ABLIM2: variants seen among roughly 807,000 people sequenced by gnomAD.
ABLIM2 encodes actin binding LIM protein family member 2.
A neutral mutation model predicts 97.7 loss-of-function variants in ABLIM2; 53 were observed. The observed-to-expected ratio is 0.54, with a 90% CI of 0.44 to 0.68. The LOEUF (loss-of-function observed/expected upper bound fraction) is 0.68. ABLIM2 is among the 30% of genes least tolerant of loss of function. The pLI is 0.00. For missense variants in ABLIM2, 835 were observed against 867.2 expected (o/e 0.96, Z 0.47); for synonymous variants, 361 against 345.8 (o/e 1.04, Z -0.49).
rs1362855651 is a variant in ABLIM2 at position 8,071,714 on chromosome 4, C to T, written c.675+5914G>A. 3.0e-5 allele frequency: 29 copies of T among 962,824 alleles called. No individual in the cohort carries two copies. Among genetic ancestry groups the T allele is most frequent in the Non-Finnish European group, 3.5e-5 (28 of 809,620 alleles). 59.6% of individuals were successfully genotyped at this position (962,824 alleles called of 1,614,324 possible). A position where few individuals can be genotyped will look rare whatever the true frequency, so the allele number is the denominator to read the frequency against. ...AAAAACCCACCCACCCGCAGCCCCT[C>T]CTGGCCCCTGTGAGCCCCCATCAGC... On this transcript the variant is annotated intron_variant, in intron 6 of 20. Transcript: ENST00000447017. The surrounding 1 kb of genome is among the most constrained non-coding windows in gnomAD (Gnocchi z 6.2).
chr4:8,148,400 G>A lies in ABLIM2; in HGVS notation c.10+10280C>T, dbSNP rs537065660. Among the ~76,000 whole-genome samples the A allele has an allele frequency of 2.6e-5, 4 of 152,306 alleles. No homozygotes were observed. In the East Asian group the frequency reaches 7.7e-4, roughly 29 times the overall value. ...GTGAAGCAGGGCCCACAGGAGGTGA[G>A]GGAGCCGCTCAGGACGCGGGGGGGC... On this transcript the variant is annotated intron_variant, in intron 1 of 20. Transcript: ENST00000447017. This position sits in a 1 kb window ranked among gnomAD's most constrained non-coding sequence, Gnocchi z 6.7.
rs2150202532 is a variant in ABLIM2, at chr4:8,001,462, G to A, written c.1618+6597C>T. On this transcript the variant is annotated intron_variant, in intron 16 of 20. Transcript: ENST00000447017. This position sits in a 1 kb window ranked among gnomAD's most constrained non-coding sequence, Gnocchi z 4.2. The stretch of plus-strand genomic sequence containing the variant: ...CTGCTCCCTGGGGCTCCAGAGCCCA[G>A]CATGCTCTGCCTGGGGCCACTGTCC... 6.6e-6 allele frequency among the ~76,000 whole-genome samples: 1 copy of A among 152,272 alleles called. No individual in the cohort carries two copies. Among genetic ancestry groups the A allele is most frequent in the Non-Finnish European group, 1.5e-5 (1 of 67,992 alleles).
At chr4:8,137,170 G>A (rs981891582) in intron 1 of ABLIM2, among the ~76,000 whole-genome samples, 9 of 152,256 alleles carry the variant, frequency 5.9e-5, no homozygotes, top group Middle Eastern at 3.4e-3. Context: ...CACGGCAGCC[G>A]GGCTGACTCA....
At chr4:8,103,660 G>A (rs1483373528) in intron 2 of ABLIM2, among the ~76,000 whole-genome samples, 1 of 152,220 alleles carries the variant, frequency 6.6e-6, no homozygotes, top group Non-Finnish European at 1.5e-5. Context: ...CATTGACACT[G>A]TCTCATCCCA....
intron 20 of ABLIM2, among the ~76,000 whole-genome samples, chr4:7,977,829 A>AAAT (rs1265921632): frequency 2.4e-5 from 2 of 82,392 alleles, no homozygotes; most frequent in South Asian, 3.6e-4. Context: ...AATAAATAAA[A>AAAT]GGTGGGGCAG....
At chr4:8,154,838 A>G (rs1343782478) in intron 1 of ABLIM2, among the ~76,000 whole-genome samples, 1 of 152,196 alleles carries the variant, frequency 6.6e-6, no homozygotes, top group Non-Finnish European at 1.5e-5. Flanking sequence ...TGTAAAGGAA[A>G]TAGGTTTCAT....
In ABLIM2 at chr4:8,068,662, C is replaced by T. The variant is rs1287845855; in HGVS notation, c.676-7608G>A. Among the ~76,000 whole-genome samples the T allele has an allele frequency of 1.3e-5, 2 of 152,222 alleles. No individual in the cohort carries two copies. The highest frequency in any genetic ancestry group is 3.8e-4 in the East Asian group (2 of 5,198). ...CGGGTGCAAAGGCCTCCTCTGCCCA[C>T]TGGAGAGCTGCCACACTTCCCCTTG... On this transcript the variant is annotated intron_variant, in intron 6 of 20. Coordinates refer to ENST00000447017, the MANE Select transcript of ABLIM2 (RefSeq NM_001130083.2). This position sits in a 1 kb window ranked among gnomAD's most constrained non-coding sequence, Gnocchi z 4.5.
At chr4:8,143,459 C>G (rs899690102) in intron 1 of ABLIM2, among the ~76,000 whole-genome samples, 1 of 152,080 alleles carries the variant, frequency 6.6e-6, no homozygotes, top group Admixed American at 6.5e-5. Flanking sequence ...GGTCAGGGCA[C>G]GGATGAAATT....
chr4:8,020,657 A>G, intron 12 of ABLIM2: 1 of 326,098 alleles, frequency 3.1e-6, no homozygotes, highest in East Asian at 7.1e-5. Context: ...AAATTCGCCA[A>G]AACAAAGGCC....
chr4:8,115,410 G>T (rs1409023221), intron 1 of ABLIM2, among the ~76,000 whole-genome samples: 1 of 152,180 alleles, frequency 6.6e-6, no homozygotes, highest in African/African-American at 2.4e-5. Flanking sequence ...CCTCTGTAGG[G>T]CCAGTGGGCT....
intron 15 of ABLIM2, 100 bp from the exon 16 acceptor site, chr4:8,008,300 G>A (rs760654558): frequency 5.8e-4 from 675 of 1,173,286 alleles, no homozygotes; most frequent in Non-Finnish European, 7.3e-4. Context: ...TCTAACATAC[G>A]AGCTGACCCC....
chr4:8,025,042 G>A (rs59720669), intron 12 of ABLIM2, among the ~76,000 whole-genome samples: 4,262 of 152,234 alleles, frequency 0.028, 192 homozygotes, highest in African/African-American at 0.096. Context: ...CAATCCTCCC[G>A]CCTCAGCCTC....
rs1811666501 is a variant in ABLIM2, at chr4:8,071,064, C to T, written c.675+6564G>A. ...TCTGAACACATGGCCAGTGGCTTCTCCTCATCCACACCTCCTCCCTTTATG... is the reference window on the plus strand; with the variant it reads ...TCTGAACACATGGCCAGTGGCTTCTTCTCATCCACACCTCCTCCCTTTATG... On this transcript the variant is annotated intron_variant, in intron 6 of 20. Coordinates refer to ENST00000447017, the MANE Select transcript of ABLIM2 (RefSeq NM_001130083.2). This position sits in a 1 kb window ranked among gnomAD's most constrained non-coding sequence, Gnocchi z 6.2. 6.6e-6 allele frequency among the ~76,000 whole-genome samples: 1 copy of T among 152,174 alleles called. No homozygotes were observed.
At chr4:8,093,005 C>T (rs964493995) in intron 3 of ABLIM2, among the ~76,000 whole-genome samples, 7 of 152,080 alleles carry the variant, frequency 4.6e-5, no homozygotes, top group African/African-American at 9.7e-5. Context: ...CCCACCACCA[C>T]GCCTGGCTCA....
At chr4:7,981,036 C>T (rs1446992633) in intron 20 of ABLIM2, among the ~76,000 whole-genome samples, 1 of 149,578 alleles carries the variant, frequency 6.7e-6, no homozygotes, top group East Asian at 2.0e-4. Flanking sequence ...CTCCACCTCC[C>T]AGGTTCACGC....
At chr4:7,972,092 C>A (rs186772974) in intron 20 of ABLIM2, among the ~76,000 whole-genome samples, 4 of 152,312 alleles carry the variant, frequency 2.6e-5, no homozygotes, top group Admixed American at 2.6e-4. Context: ...GCAGGACCTA[C>A]AGTGACATCA....
At chr4:8,077,591 G>C (rs775495899) in intron 6 of ABLIM2, 37 bp downstream of exon 6, 1 of 1,558,742 alleles carries the variant, frequency 6.4e-7, no homozygotes, top group Non-Finnish European at 8.7e-7. Flanking sequence ...TTAGGCCCTA[G>C]CTCAGAGCGG....
At chr4:8,131,005 C>T (rs931677435) in intron 1 of ABLIM2, among the ~76,000 whole-genome samples, 18 of 152,196 alleles carry the variant, frequency 1.2e-4, no homozygotes, top group African/African-American at 4.3e-4. Context: ...CTGGTGATGG[C>T]AGCATCACTC....
chr4:7,971,770 C>T (rs1025265511), intron 20 of ABLIM2, among the ~76,000 whole-genome samples: 6 of 152,124 alleles, frequency 3.9e-5, no homozygotes, highest in Admixed American at 1.3e-4. Flanking sequence ...GCTTCCCTGA[C>T]CCCACCAAGC....
Sources: allele counts gnomAD v4.1 joint callset (sites outside exome capture counted in the v4.1 genomes callset), GRCh38; gene constraint gnomAD v4.1.1; non-coding constraint Gnocchi (gnomAD v3.1); transcripts MANE v1.5; gene names NCBI Gene and HGNC (gene_info 2026-07-23, HGNC 2026-07-21).